Variants in ZDHHC14 observed in about 807,000 individuals in gnomAD.
ZDHHC14 encodes zDHHC palmitoyltransferase 14.
A neutral mutation model predicts 47.7 loss-of-function variants in ZDHHC14; 16 were observed. The ratio of observed to expected loss-of-function variants is 0.34; its 90% confidence interval spans 0.23 to 0.51. The LOEUF (loss-of-function observed/expected upper bound fraction) is 0.51. ZDHHC14 is among the 20% of genes least tolerant of loss of function. The pLI is 0.97. For synonymous variants in ZDHHC14, 293 were observed against 278.9 expected (o/e 1.05, Z -0.50); for missense variants, 515 against 662.5 (o/e 0.78, Z 2.44).
intron 1 of ZDHHC14, among the ~76,000 whole-genome samples, chr6:157,530,369 G>A (rs771658908): frequency 2.1e-4 from 32 of 152,192 alleles, no homozygotes; most frequent in Non-Finnish European, 3.8e-4. Flanking sequence ...AAGGATAATA[G>A]TCGATACCAC....
Position 157,582,930 on chromosome 6 carries a change from T to C in ZDHHC14, c.407-10058T>C, listed in dbSNP as rs2114875971. Among the ~76,000 whole-genome samples the C allele has an allele frequency of 6.6e-6, 1 of 152,178 alleles. No individual in the cohort carries two copies. Among genetic ancestry groups the C allele is most frequent in the East Asian group, 1.9e-4 (1 of 5,160 alleles). On this transcript the variant is annotated intron_variant, in intron 2 of 8. Coordinates refer to ENST00000359775, the MANE Select transcript of ZDHHC14 (RefSeq NM_024630.3). The surrounding 1 kb of genome is among the most constrained non-coding windows in gnomAD (Gnocchi z 4.3). ...TCTCAGAGGTTTTATTCATTCTTTT[T>C]ACTTTATTTTCGTCTAACTGAGTTA...
chr6:157,656,719 C>CAAAAAAAAAAAAAA (rs35815142), intron 8 of ZDHHC14, among the ~76,000 whole-genome samples: 10 of 106,422 alleles, frequency 9.4e-5, no homozygotes, highest in Non-Finnish European at 1.1e-4. Context: ...AAAAAAAAAA[C>CAAAAAAAAAAAAAA]AAAAAAAAAA....
At chr6:157,657,960 A>G (rs1475509018) in intron 8 of ZDHHC14, among the ~76,000 whole-genome samples, 1 of 152,220 alleles carries the variant, frequency 6.6e-6, no homozygotes, top group Non-Finnish European at 1.5e-5. Flanking sequence ...CAGTGTTTTC[A>G]TCTATAAAAT....
chr6:157,672,631 C>A (rs1456355980), intron 8 of ZDHHC14, 93 bp from the exon 9 acceptor site: 2 of 229,740 alleles, frequency 8.7e-6, no homozygotes, highest in African/African-American at 2.4e-5. Flanking sequence ...CGCACCCCAC[C>A]CTCCCCGCCC....
chr6:157,572,040 G>A (rs1037040689), intron 2 of ZDHHC14, among the ~76,000 whole-genome samples: 1 of 151,994 alleles, frequency 6.6e-6, no homozygotes, highest in African/African-American at 2.4e-5. Context: ...GGGAGGAGAC[G>A]CTGAGATGAT....
chr6:157,673,042 A>C lies in ZDHHC14; in HGVS notation c.1387A>C (p.Met463Leu), dbSNP rs1583110009. The change falls in exon 9 of 9, where the codon ATG becomes CTG. Residue 463 changes from methionine (M) to leucine (L), a missense_variant. This residue lies in a region of ZDHHC14 where 221 missense variants were observed against 233.6 expected (regional missense o/e 0.95). Transcript: ENST00000359775. The surrounding 1 kb of genome is among the most constrained non-coding windows in gnomAD (Gnocchi z 5.4). ...AGSPLAHSRT[M>L]HVLGLASQDS... The stretch of plus-strand genomic sequence containing the variant: ...CAGCCCCCTGGCGCACAGCCGCACC[A>C]TGCACGTGCTGGGCCTGGCCAGCCA... 2 of 1,566,978 alleles carry C rather than the reference A, an allele frequency of 1.3e-6. No individual in the cohort carries two copies. The highest frequency in any genetic ancestry group is 2.3e-5 in the East Asian group (1 of 42,646).
intron 1 of ZDHHC14, among the ~76,000 whole-genome samples, chr6:157,410,954 T>A (rs1777860345): frequency 6.6e-6 from 1 of 152,120 alleles, no homozygotes; most frequent in African/African-American, 2.4e-5. Context: ...TTCATCCTCC[T>A]AAAGTGCTGG....
intron 1 of ZDHHC14, among the ~76,000 whole-genome samples, chr6:157,395,591 C>A (rs886128184): frequency 2.6e-5 from 4 of 152,104 alleles, no homozygotes; most frequent in Admixed American, 6.5e-5. Context: ...GTCAGAAGAT[C>A]GAGACCATCC....
chr6:157,433,548 A>G (rs995245734), intron 1 of ZDHHC14, among the ~76,000 whole-genome samples: 1 of 152,200 alleles, frequency 6.6e-6, no homozygotes, highest in Non-Finnish European at 1.5e-5. Context: ...TGGGCAAACC[A>G]CTTACCCTCC....
At position 157,642,771 on chromosome 6, in the gene ZDHHC14, G is replaced by A. The variant is rs372943161; in HGVS notation, c.753-2966G>A. On this transcript the variant is annotated intron_variant, in intron 5 of 8. Coordinates refer to ENST00000359775, the MANE Select transcript of ZDHHC14 (RefSeq NM_024630.3). The stretch of plus-strand genomic sequence containing the variant: ...CCTTTAAAAGAAATTTCTGTTTCTT[G>A]ACCTTATTATGGCATAGATATTTTC... 6.1e-4 allele frequency among the ~76,000 whole-genome samples: 93 copies of A among 152,314 alleles called. 1 individual carries two copies. In the South Asian group the frequency reaches 0.018, roughly 30 times the overall value.
At chr6:157,656,868 A>T (rs953497684) in intron 8 of ZDHHC14, among the ~76,000 whole-genome samples, 5 of 152,062 alleles carry the variant, frequency 3.3e-5, no homozygotes, top group Non-Finnish European at 7.4e-5. Context: ...ACCTGGAAGC[A>T]GAGCCTCTTC....
In ZDHHC14 at chr6:157,593,159, TG is replaced by T. The variant is rs777625935; in HGVS notation, c.565+16del. The T allele has an allele frequency of 6.9e-6, 11 of 1,601,778 alleles. No individual in the cohort carries two copies. The highest frequency in any genetic ancestry group is 1.7e-4 in the Middle Eastern group (1 of 6,006). ...GATAACTGCGTAGGTGAGTAGTGCC[TG>T]GGCGGAGCCTGGCGGGAGCCCGGGT... On this transcript the variant is annotated intron_variant, in intron 3 of 8. Coordinates refer to ENST00000359775, the MANE Select transcript of ZDHHC14 (RefSeq NM_024630.3).
At chr6:157,592,404 T>C (rs1410753078) in intron 2 of ZDHHC14, among the ~76,000 whole-genome samples, 1 of 152,226 alleles carries the variant, frequency 6.6e-6, no homozygotes, top group African/African-American at 2.4e-5. Context: ...TCCCATTCTA[T>C]ACTTGGCATT....
At chr6:157,596,315 A>G (rs138252540) in intron 3 of ZDHHC14, among the ~76,000 whole-genome samples, 1 of 152,224 alleles carries the variant, frequency 6.6e-6, no homozygotes, top group African/African-American at 2.4e-5. Flanking sequence ...TTGCAGCAAG[A>G]GAAGTAGCAC....
intron 2 of ZDHHC14, among the ~76,000 whole-genome samples, chr6:157,563,805 G>A (rs1422441117): frequency 6.6e-6 from 1 of 152,258 alleles, no homozygotes; most frequent in African/African-American, 2.4e-5. Context: ...GCTGCGGTGA[G>A]TGAGGTTGCA....
intron 1 of ZDHHC14, among the ~76,000 whole-genome samples, chr6:157,453,065 G>A (rs1266813979): frequency 6.6e-6 from 1 of 151,966 alleles, no homozygotes; most frequent in Non-Finnish European, 1.5e-5. Context: ...CCCTCTATCT[G>A]TTGTATTCCT....
At chr6:157,661,847 G>A (rs758976814) in intron 8 of ZDHHC14, among the ~76,000 whole-genome samples, 8 of 151,890 alleles carry the variant, frequency 5.3e-5, no homozygotes, top group Non-Finnish European at 7.4e-5. Flanking sequence ...TTTTTGAGAC[G>A]GAGTCTCGCT....
chr6:157,659,917 G>T (rs147734036), intron 8 of ZDHHC14, among the ~76,000 whole-genome samples: 1 of 152,224 alleles, frequency 6.6e-6, no homozygotes, highest in Non-Finnish European at 1.5e-5. Context: ...TGAACTTCAA[G>T]CCATTCTAAG....
chr6:157,671,830 C>CT (rs201927956), intron 8 of ZDHHC14, among the ~76,000 whole-genome samples: 3 of 152,122 alleles, frequency 2.0e-5, no homozygotes, highest in East Asian at 3.8e-4. Context: ...ACAGTCTTTT[C>CT]TTTTTTTGGT....
Sources: gnomAD v4.1 joint callset for allele counts (sites outside exome capture counted in the v4.1 genomes callset) on GRCh38, gnomAD v4.1.1 for gene constraint, gnomAD v4.1.1 regional missense constraint, Gnocchi (gnomAD v3.1) non-coding constraint, MANE v1.5 for transcripts, NCBI Gene and HGNC (gene_info 2026-07-23, HGNC 2026-07-21) for gene names.